CCDC83: variants seen among roughly 807,000 people sequenced by gnomAD.
CCDC83 encodes the protein coiled-coil domain-containing protein 83.
In CCDC83, 54 loss-of-function variants were observed where a neutral mutation model predicts 50.1. The ratio of observed to expected loss-of-function variants is 1.08; its 90% confidence interval spans 0.87 to 1.35. The LOEUF (loss-of-function observed/expected upper bound fraction) is 1.35. CCDC83 is among the 40% of genes most tolerant of loss of function. CCDC83 has a pLI of 0.00. For synonymous variants in CCDC83, 161 were observed against 153.3 expected (o/e 1.05, Z -0.37); for missense variants, 518 against 473.9 (o/e 1.09, Z -0.86).
intron 5 of CCDC83, among the ~76,000 whole-genome samples, chr11:85,887,510 A>G (rs1214218718): frequency 6.6e-6 from 1 of 152,178 alleles, no homozygotes; most frequent in Non-Finnish European, 1.5e-5. Context: ...ACTTGGCCCC[A>G]TATCAGTCTG....
At chr11:85,878,897 G>A (rs2093283330) in intron 3 of CCDC83, among the ~76,000 whole-genome samples, 1 of 152,106 alleles carries the variant, frequency 6.6e-6, no homozygotes. Flanking sequence ...TAATATCTTA[G>A]TGTGGTTTTA....
rs1476034334 is a variant in CCDC83 at position 85,882,673 on chromosome 11, G to C, written c.341G>C (p.Arg114Thr). 1 of 1,613,422 alleles carries C rather than the reference G, an allele frequency of 6.2e-7. No individual in the cohort carries two copies. The highest frequency in any genetic ancestry group is 8.5e-7 in the Non-Finnish European group (1 of 1,179,700). Residue 114 changes from arginine to threonine, a missense_variant and splice_region_variant, in exon 4 of 11, where the codon AGA (arginine) becomes ACA (threonine). By Grantham distance (71) the Arg-to-Thr change is moderately conservative. Transcript: ENST00000342404. ...KFERDQEKNLRDMRMQISNAE... is the reference protein window; with the variant it reads ...KFERDQEKNLTDMRMQISNAE... ...GAAAGAGACCAGGAAAAAAACTTGA[G>C]AGGTGATTTAGGAACATAGAAAACT...
chr11:85,894,751 T>C (rs1016120136), intron 5 of CCDC83, among the ~76,000 whole-genome samples: 3 of 152,204 alleles, frequency 2.0e-5, no homozygotes, highest in African/African-American at 4.8e-5. Context: ...TAGTTACTTG[T>C]TGAAAAAAGG....
chr11:85,879,527 GC>G (rs2093287498), intron 3 of CCDC83, among the ~76,000 whole-genome samples: 1 of 152,000 alleles, frequency 6.6e-6, no homozygotes, highest in South Asian at 2.1e-4. Context: ...TTAGAGAAAT[GC>G]AAATAAAAAC....
At chr11:85,917,997 T>C (rs2093490474) in intron 10 of CCDC83, 1 of 152,210 alleles carries the variant, frequency 6.6e-6, no homozygotes, top group Non-Finnish European at 1.5e-5. Flanking sequence ...AAATATGTGG[T>C]AGGTCTCCAT....
At chr11:85,855,811 C>T (rs1479059304) in intron 1 of CCDC83, among the ~76,000 whole-genome samples, 1 of 152,222 alleles carries the variant, frequency 6.6e-6, no homozygotes, top group East Asian at 1.9e-4. Flanking sequence ...TGGGACTAAG[C>T]TCGGTCTTGC....
chr11:85,914,514 T>C (rs1164962168), intron 8 of CCDC83, among the ~76,000 whole-genome samples: 1 of 152,180 alleles, frequency 6.6e-6, no homozygotes. Flanking sequence ...ACCTAGATGG[T>C]ATCTTGGATT....
At chr11:85,892,589 T>C (rs1294695558) in intron 5 of CCDC83, among the ~76,000 whole-genome samples, 1 of 152,260 alleles carries the variant, frequency 6.6e-6, no homozygotes, top group Non-Finnish European at 1.5e-5. Flanking sequence ...TTTTAAATTA[T>C]TTATAGCAAA....
chr11:85,872,763 G>A (rs2093246435), intron 2 of CCDC83, among the ~76,000 whole-genome samples: 1 of 152,120 alleles, frequency 6.6e-6, no homozygotes, highest in South Asian at 2.1e-4. Context: ...TAGAAGAGAT[G>A]GCACACTAAT....
intron 8 of CCDC83, 128 bp downstream of exon 8, chr11:85,911,530 C>A (rs1302817293): frequency 4.3e-6 from 3 of 703,008 alleles, no homozygotes; most frequent in Admixed American, 6.8e-5. Flanking sequence ...AAGAAAGGGA[C>A]AAAAAAAATG....
chr11:85,881,015 T>C (rs979988619), intron 3 of CCDC83, among the ~76,000 whole-genome samples: 2 of 152,202 alleles, frequency 1.3e-5, no homozygotes, highest in African/African-American at 4.8e-5. Flanking sequence ...GACTGCAACC[T>C]GTCACATGAC....
At chr11:85,903,109 T>C (rs1370946544) in intron 7 of CCDC83, among the ~76,000 whole-genome samples, 1 of 151,854 alleles carries the variant, frequency 6.6e-6, no homozygotes, top group Non-Finnish European at 1.5e-5. Context: ...TGTGGGCACC[T>C]ATAATCCCAG....
At chr11:85,891,434 A>G (rs1208467991) in intron 5 of CCDC83, among the ~76,000 whole-genome samples, 1 of 152,210 alleles carries the variant, frequency 6.6e-6, no homozygotes, top group Non-Finnish European at 1.5e-5. Flanking sequence ...TAACATATCC[A>G]GGCCAAGGTT....
chr11:85,856,478 T>A (rs2093141822), intron 1 of CCDC83, among the ~76,000 whole-genome samples: 1 of 152,156 alleles, frequency 6.6e-6, no homozygotes, highest in African/African-American at 2.4e-5. Flanking sequence ...GGGAAAAAAA[T>A]GTAGTTCTGG....
At chr11:85,919,286 T>A in intron 10 of CCDC83, 63 bp from the exon 11 acceptor site, 1 of 1,443,924 alleles carries the variant, frequency 6.9e-7, no homozygotes, top group Non-Finnish European at 9.4e-7. Context: ...GAAAGCCTAA[T>A]CTATCAAGCT....
chr11:85,912,883 T>C, intron 8 of CCDC83: 1 of 650,086 alleles, frequency 1.5e-6, no homozygotes, highest in Middle Eastern at 2.6e-4. Flanking sequence ...GTATATTTGA[T>C]TTTGTTCTGA....
Position 85,882,495 on chromosome 11 carries a change from T to C in CCDC83, c.181-18T>C. 2.5e-6 allele frequency: 4 copies of C among 1,611,522 alleles called. No individual in the cohort carries two copies. Among genetic ancestry groups the C allele is most frequent in the African/African-American group, 2.7e-5 (2 of 74,838 alleles). On this transcript the variant is annotated intron_variant, in intron 3 of 10. Coordinates refer to ENST00000342404, the MANE Select transcript of CCDC83 (RefSeq NM_001286159.2). ...ACATAGTTGATCAAACGTGAATTAC[T>C]GTTGATTTTCATGACAGAATAGCCG... is the stretch of plus-strand genomic sequence containing the variant.
At chr11:85,869,164 A>G (rs2093223607) in intron 2 of CCDC83, among the ~76,000 whole-genome samples, 1 of 152,256 alleles carries the variant, frequency 6.6e-6, no homozygotes, top group African/African-American at 2.4e-5. Context: ...GTGAGTATAA[A>G]TTGTTCAAAT....
intron 2 of CCDC83, among the ~76,000 whole-genome samples, chr11:85,870,730 G>T (rs2093232346): frequency 6.6e-6 from 1 of 152,036 alleles, no homozygotes; most frequent in South Asian, 2.1e-4. Context: ...CTCCATTTAT[G>T]GTCCTTCTTA....
Sources: allele counts gnomAD v4.1 joint callset (sites outside exome capture counted in the v4.1 genomes callset), GRCh38; gene constraint gnomAD v4.1.1; transcripts MANE v1.5; gene names NCBI Gene and HGNC (gene_info 2026-07-23, HGNC 2026-07-21).